Variants in KIF26B observed in about 807,000 individuals in gnomAD.
KIF26B encodes kinesin family member 26B.
In KIF26B, 63 loss-of-function variants were observed where a neutral mutation model predicts 151.2. The ratio of observed to expected loss-of-function variants is 0.42; its 90% CI spans 0.34 to 0.51. KIF26B has a LOEUF of 0.51. Ranked by LOEUF, KIF26B falls within the 20% of genes least tolerant of loss-of-function variation. The probability of loss-of-function intolerance (pLI) is 0.07; values close to 1 mark genes in which losing one functional copy is unlikely to be tolerated. For missense variants in KIF26B, 2,813 were observed against 2,913.6 expected, an observed-to-expected ratio of 0.97 and a Z score of 0.79; for synonymous variants, 1,357 against 1,262.1, an observed-to-expected ratio of 1.08 and a Z score of -1.59.
intron 3 of KIF26B, among the ~76,000 whole-genome samples, chr1:245,381,804 C>T (rs1673417432): frequency 6.6e-6 from 1 of 151,434 alleles, no homozygotes; most frequent in Non-Finnish European, 1.5e-5. Context: ...CTATGTACCT[C>T]ATATAAGTGG....
At chr1:245,275,387 T>A (rs1259642748) in intron 2 of KIF26B, among the ~76,000 whole-genome samples, 2 of 152,262 alleles carry the variant, frequency 1.3e-5, no homozygotes, top group African/African-American at 4.8e-5. Context: ...GGTGTTTTAG[T>A]CATGAAGTCC....
At chr1:245,260,408 A>C (rs2103569634) in intron 2 of KIF26B, among the ~76,000 whole-genome samples, 1 of 152,312 alleles carries the variant, frequency 6.6e-6, no homozygotes, top group South Asian at 2.1e-4. Context: ...TCCTGGCCCA[A>C]GTGCAGGTCA....
Position 245,688,358 on chromosome 1 carries a change from G to C in KIF26B, c.5375G>C (p.Ser1792Thr). 6.4e-7 allele frequency: 1 copy of C among 1,564,174 alleles called. No homozygotes were observed. Among genetic ancestry groups the C allele is most frequent in the South Asian group, 1.2e-5 (1 of 86,156 alleles). Residue 1792 changes from serine (S) to threonine (T), a missense_variant, in exon 12 of 15, where the codon AGC (serine) becomes ACC (threonine). This residue lies in a region of KIF26B where 2,060 missense variants were observed against 2,088.6 expected (regional missense o/e 0.99). Coordinates refer to ENST00000407071, the MANE Select transcript of KIF26B (RefSeq NM_018012.4). The part of the protein sequence containing the change: ...WSTQSLSRNR[S>T]SGLASKLPLR... ...ACGCAGTCCCTCAGCAGGAACAGGA[G>C]CTCGGGCCTGGCCTCCAAGCTTCCC...
chr1:245,580,507 C>T (rs954244591), intron 5 of KIF26B, among the ~76,000 whole-genome samples: 5 of 152,126 alleles, frequency 3.3e-5, no homozygotes, highest in Admixed American at 6.5e-5. Flanking sequence ...TGGCCTAGGT[C>T]CGAAGGGTCA....
intron 2 of KIF26B, among the ~76,000 whole-genome samples, chr1:245,246,439 A>G (rs2103562667): frequency 6.6e-6 from 1 of 152,304 alleles, no homozygotes; most frequent in South Asian, 2.1e-4. Flanking sequence ...ACCTGTTAAA[A>G]TATTGAGACA....
At chr1:245,322,078 G>A (rs1671896361) in intron 2 of KIF26B, among the ~76,000 whole-genome samples, 1 of 152,154 alleles carries the variant, frequency 6.6e-6, no homozygotes, top group Non-Finnish European at 1.5e-5. Context: ...GCAGGGACAT[G>A]GATGAAGCTG....
chr1:245,190,483 C>T lies in KIF26B; in HGVS notation c.465+33800C>T, dbSNP rs749879065. ...CATTAGCACATCCCACAAGCAGTCA[C>T]GGCACTGCACTTGCACTGGAAACAG... is the stretch of plus-strand genomic sequence containing the variant. On this transcript the variant is annotated intron_variant, in intron 2 of 14. Coordinates refer to ENST00000407071, the MANE Select transcript of KIF26B (RefSeq NM_018012.4). Among the ~76,000 whole-genome samples, 264 of 152,218 alleles carry T rather than the reference C, an allele frequency of 1.7e-3. 1 individual carries two copies. The highest frequency in any genetic ancestry group is 3.7e-3 in the Admixed American group (56 of 15,288).
intron 14 of KIF26B, among the ~76,000 whole-genome samples, chr1:245,700,086 C>T (rs2147969606): frequency 6.6e-6 from 1 of 152,024 alleles, no homozygotes; most frequent in South Asian, 2.1e-4. Context: ...ATTCTTGGGA[C>T]AGTCTGTGGA....
intron 4 of KIF26B, among the ~76,000 whole-genome samples, chr1:245,528,309 C>T (rs552059924): frequency 6.6e-6 from 1 of 152,258 alleles, no homozygotes; most frequent in Admixed American, 6.5e-5. Context: ...GTGGCCAGGT[C>T]ATCAGTTACC....
intron 2 of KIF26B, among the ~76,000 whole-genome samples, chr1:245,303,454 T>C (rs1671480498): frequency 6.6e-6 from 1 of 150,876 alleles, no homozygotes; most frequent in Non-Finnish European, 1.5e-5. Context: ...CGCCTCGGCC[T>C]CCCAAAGTGC....
At chr1:245,505,239 ATT>A (rs10536611) in intron 4 of KIF26B, among the ~76,000 whole-genome samples, 37,237 of 148,286 alleles carry the variant, frequency 0.25, 4,878 homozygotes, top group Middle Eastern at 0.38. Flanking sequence ...CGCCTCGCCT[ATT>A]TTTTTTTTTT....
intron 5 of KIF26B, among the ~76,000 whole-genome samples, chr1:245,574,655 C>T (rs1233370453): frequency 6.6e-6 from 1 of 152,098 alleles, no homozygotes; most frequent in African/African-American, 2.4e-5. Flanking sequence ...GACTGCTGCT[C>T]TTGCCTGAGT....
At chr1:245,231,264 C>A (rs1336574090) in intron 2 of KIF26B, among the ~76,000 whole-genome samples, 1 of 152,148 alleles carries the variant, frequency 6.6e-6, no homozygotes, top group Non-Finnish European at 1.5e-5. Flanking sequence ...TCCATAATCC[C>A]AGCACTTTGG....
At chr1:245,492,761 C>T (rs917168878) in intron 4 of KIF26B, among the ~76,000 whole-genome samples, 2 of 152,146 alleles carry the variant, frequency 1.3e-5, no homozygotes, top group Non-Finnish European at 2.9e-5. Context: ...GGTCATGTTA[C>T]AAAGGAAATA....
At chr1:245,234,975 G>A (rs548401164) in intron 2 of KIF26B, among the ~76,000 whole-genome samples, 1 of 152,256 alleles carries the variant, frequency 6.6e-6, no homozygotes, top group South Asian at 2.1e-4. Flanking sequence ...TCTTTCAGAA[G>A]GCAGAGTCCG....
rs1279429769 is a variant in KIF26B at position 245,246,566 on chromosome 1, C to G, written c.465+89883C>G. Reference sequence around the variant, plus strand: ...AAATCAGCAATGAAAGCGTTGGCACCTGACCCCACAGTGGGTCTCCAGGGC... The same window carrying G: ...AAATCAGCAATGAAAGCGTTGGCACGTGACCCCACAGTGGGTCTCCAGGGC... On this transcript the variant is annotated intron_variant, in intron 2 of 14. Coordinates refer to ENST00000407071, the MANE Select transcript of KIF26B (RefSeq NM_018012.4). Among the ~76,000 whole-genome samples the G allele has an allele frequency of 3.3e-5, 5 of 152,286 alleles. No individual in the cohort carries two copies. In the East Asian group the frequency reaches 7.7e-4, roughly 24 times the overall value.
chr1:245,596,041 A>T (rs907661757), intron 5 of KIF26B, among the ~76,000 whole-genome samples: 8 of 150,956 alleles, frequency 5.3e-5, no homozygotes, highest in African/African-American at 2.0e-4. Context: ...TGTCTATTTG[A>T]TTCTTCTCTC....
At chr1:245,165,589 G>C (rs1325822930) in intron 2 of KIF26B, among the ~76,000 whole-genome samples, 1 of 152,142 alleles carries the variant, frequency 6.6e-6, no homozygotes. Flanking sequence ...AGATGTGTGG[G>C]GTGAGACGAC....
At chr1:245,543,621 G>A (rs901594086) in intron 5 of KIF26B, among the ~76,000 whole-genome samples, 1 of 152,150 alleles carries the variant, frequency 6.6e-6, no homozygotes, top group East Asian at 1.9e-4. Flanking sequence ...TGAGGGGGAG[G>A]AAGTGACAGT....
Sources: gnomAD v4.1 joint callset for allele counts (sites outside exome capture counted in the v4.1 genomes callset) on GRCh38, gnomAD v4.1.1 for gene constraint, gnomAD v4.1.1 regional missense constraint, MANE v1.5 for transcripts, NCBI Gene and HGNC (gene_info 2026-07-23, HGNC 2026-07-21) for gene names.